The following TEKT5 variants were observed in gnomAD, a reference collection of about 807,000 sequenced individuals.
TEKT5 encodes tektin-5.
In TEKT5, 52 loss-of-function variants were observed where a neutral mutation model predicts 48.7. The ratio of observed to expected loss-of-function variants is 1.07; its 90% CI spans 0.86 to 1.35. TEKT5 has a LOEUF of 1.35. TEKT5 is among the 40% of genes most tolerant of loss of function. The pLI is 0.00. For synonymous variants in TEKT5, 318 were observed against 267.6 expected, an observed-to-expected ratio of 1.19 and a Z score of -1.84; for missense variants, 831 against 641.6, an observed-to-expected ratio of 1.30 and a Z score of -3.19.
chr16:10,651,593 G>A (rs1423835545), intron 5 of TEKT5, among the ~76,000 whole-genome samples: 1 of 152,168 alleles, frequency 6.6e-6, no homozygotes, highest in Admixed American at 6.5e-5. Context: ...GCATATATTA[G>A]TCAATTAGTG....
chr16:10,654,930 C>T (rs1446170378), intron 5 of TEKT5, among the ~76,000 whole-genome samples: 3 of 57,784 alleles, frequency 5.2e-5, no homozygotes, highest in African/African-American at 1.3e-4. Flanking sequence ...TGTCTCCCCC[C>T]CCTCCCCTCC....
chr16:10,687,237 T>C (rs1898877766), intron 3 of TEKT5, among the ~76,000 whole-genome samples: 1 of 152,304 alleles, frequency 6.6e-6, no homozygotes, highest in African/African-American at 2.4e-5. Flanking sequence ...AAAATAAGTA[T>C]GTGAGGTAAC....
At chr16:10,660,008 G>A (rs1005877115) in intron 5 of TEKT5, among the ~76,000 whole-genome samples, 6 of 152,094 alleles carry the variant, frequency 3.9e-5, no homozygotes, top group African/African-American at 1.2e-4. Context: ...CTCTCAATAC[G>A]TATTACTATT....
chr16:10,680,022 G>A (rs79476927), intron 4 of TEKT5, among the ~76,000 whole-genome samples: 7,945 of 152,338 alleles, frequency 0.052, 302 homozygotes, highest in Non-Finnish European at 0.076. Context: ...CCAGATGGGG[G>A]ACTTTAAGGA....
At chr16:10,678,031 T>G (rs1011493034) in intron 4 of TEKT5, among the ~76,000 whole-genome samples, 1 of 152,228 alleles carries the variant, frequency 6.6e-6, no homozygotes, top group Admixed American at 6.5e-5. Context: ...TGGCAGAGCA[T>G]GTAAATCCCT....
intron 5 of TEKT5, among the ~76,000 whole-genome samples, chr16:10,667,689 T>C (rs933675633): frequency 6.6e-6 from 1 of 152,206 alleles, no homozygotes; most frequent in African/African-American, 2.4e-5. Context: ...AGCATCGTCA[T>C]CATATTTCCC....
chr16:10,686,873 C>T (rs915651387), intron 3 of TEKT5, among the ~76,000 whole-genome samples: 4 of 152,038 alleles, frequency 2.6e-5, no homozygotes, highest in Admixed American at 6.6e-5. Context: ...GAAAAGGTGG[C>T]ATGTATACAC....
intron 3 of TEKT5, among the ~76,000 whole-genome samples, chr16:10,685,435 G>A (rs1394363249): frequency 6.6e-6 from 1 of 152,136 alleles, no homozygotes; most frequent in Admixed American, 6.5e-5. Flanking sequence ...GAGTAGCTGG[G>A]ATTAGAGACA....
intron 5 of TEKT5, among the ~76,000 whole-genome samples, chr16:10,663,586 G>A (rs753986600): frequency 6.6e-6 from 1 of 152,120 alleles, no homozygotes. Flanking sequence ...GGAGCGCTCC[G>A]GAGGGACCCG....
chr16:10,638,626 C>T (rs1431864249), intron 5 of TEKT5, among the ~76,000 whole-genome samples: 3 of 152,218 alleles, frequency 2.0e-5, no homozygotes, highest in Non-Finnish European at 4.4e-5. Flanking sequence ...TTCATCAGCT[C>T]CACCAGGAAC....
chr16:10,646,178 G>A (rs1222045206), intron 5 of TEKT5, among the ~76,000 whole-genome samples: 4 of 151,958 alleles, frequency 2.6e-5, no homozygotes, highest in Admixed American at 2.6e-4. Flanking sequence ...AAGTTTAAAT[G>A]GACATCCTGT....
intron 6 of TEKT5, among the ~76,000 whole-genome samples, chr16:10,628,254 G>A (rs1248817529): frequency 2.6e-5 from 4 of 152,188 alleles, no homozygotes; most frequent in African/African-American, 9.7e-5. Flanking sequence ...GCCCTCCAGG[G>A]GAAGGCAGAG....
chr16:10,665,629 G>A (rs1307949391), intron 5 of TEKT5, among the ~76,000 whole-genome samples: 1 of 152,068 alleles, frequency 6.6e-6, no homozygotes, highest in African/African-American at 2.4e-5. Flanking sequence ...GATAAGCTGT[G>A]ACACAGTCAC....
Position 10,627,681 on chromosome 16 carries a change from G to A in TEKT5, c.1360C>T (p.Leu454Phe). Residue 454 changes from leucine (L) to phenylalanine (F), a missense_variant, in exon 7 of 7, where the codon CTC becomes TTC. Physicochemically the swap from Leu to Phe is conservative, Grantham distance 22 (BLOSUM62 0). Coordinates refer to ENST00000283025, the MANE Select transcript of TEKT5 (RefSeq NM_144674.2). ...CAGAGGGTGTTGGCCTTGATGGCGA[G>A]CTCGTGCTCCAGCCGGCACTTGGTC... ...VMTKCRLEHE[L>F]AIKANTLCID... 6.2e-7 allele frequency: 1 copy of A among 1,614,202 alleles called. No individual in the cohort carries two copies. The highest frequency in any genetic ancestry group is 8.5e-7 in the Non-Finnish European group (1 of 1,180,042).
intron 1 of TEKT5, among the ~76,000 whole-genome samples, chr16:10,694,020 AAC>A (rs1899028275): frequency 1.3e-5 from 2 of 152,184 alleles, no homozygotes; most frequent in African/African-American, 4.8e-5. Context: ...TAAGGACCAG[AAC>A]ACACACATGC....
chr16:10,666,423 G>A (rs577148600), intron 5 of TEKT5, among the ~76,000 whole-genome samples: 2 of 152,238 alleles, frequency 1.3e-5, no homozygotes, highest in South Asian at 4.1e-4. Context: ...TTGCTGTGGG[G>A]GGCTGCCCTG....
At chr16:10,686,668 C>A (rs1378695870) in intron 3 of TEKT5, among the ~76,000 whole-genome samples, 1 of 152,144 alleles carries the variant, frequency 6.6e-6, no homozygotes, top group African/African-American at 2.4e-5. Flanking sequence ...GAAGAGACAA[C>A]CGCAGAAATG....
At chr16:10,684,442 T>G (rs1253438340) in intron 3 of TEKT5, among the ~76,000 whole-genome samples, 2 of 150,302 alleles carry the variant, frequency 1.3e-5, no homozygotes, top group Non-Finnish European at 3.0e-5. Context: ...GGGTGAGGGG[T>G]TCCCAGCAGG....
At chr16:10,664,856 T>A (rs763741925) in intron 5 of TEKT5, among the ~76,000 whole-genome samples, 47 of 152,228 alleles carry the variant, frequency 3.1e-4, no homozygotes, top group Admixed American at 5.9e-4. Context: ...CATAGCTTTG[T>A]ACTATTTTTA....
Sources: gnomAD v4.1 joint callset for allele counts (sites outside exome capture counted in the v4.1 genomes callset) on GRCh38, gnomAD v4.1.1 for gene constraint, MANE v1.5 for transcripts, NCBI Gene and HGNC (gene_info 2026-07-23, HGNC 2026-07-21) for gene names.